IGFL2: variants seen among roughly 807,000 people sequenced by gnomAD.
IGFL2 encodes the protein insulin growth factor-like family member 2.
A neutral mutation model predicts 13.9 loss-of-function variants in IGFL2; 7 were observed. The observed-to-expected ratio is 0.51, with a 90% CI of 0.29 to 0.95. The LOEUF (loss-of-function observed/expected upper bound fraction) is 0.95. Among genes scored for constraint, IGFL2 ranks in the 40% least tolerant of loss-of-function variants. The pLI, the probability that IGFL2 is intolerant of heterozygous loss-of-function variation, is 0.08. For synonymous variants in IGFL2, 55 were observed against 55.8 expected (o/e 0.99, Z 0.07); for missense variants, 138 against 147.8 (o/e 0.93, Z 0.34).
upstream of IGFL2, among the ~76,000 whole-genome samples, chr19:46,144,754 A>G (rs1973029749): frequency 6.6e-6 from 1 of 152,170 alleles, no homozygotes; most frequent in Non-Finnish European, 1.5e-5. Context: ...TCATGTAGTC[A>G]CGATCAAAAT....
At chr19:46,185,261 C>T in the IGFL2 span, among the ~76,000 whole-genome samples, 3 of 152,192 alleles carry the variant, frequency 2.0e-5, no homozygotes, top group Non-Finnish European at 2.9e-5. Context: ...CAGTTCCTCT[C>T]TTCTTCTCTG....
At chr19:46,123,964 T>C in the IGFL2 span, 1 of 1,611,542 alleles carries the variant, frequency 6.2e-7, no homozygotes, top group Non-Finnish European at 8.5e-7. Flanking sequence ...AAGAAACTTC[T>C]GCTGGGGGCC....
At chr19:46,125,124 A>G in the IGFL2 span, among the ~76,000 whole-genome samples, 1 of 152,176 alleles carries the variant, frequency 6.6e-6, no homozygotes, top group Non-Finnish European at 1.5e-5. Flanking sequence ...GTCTCTGGAA[A>G]TGTCAAGGGG....
At chr19:46,168,746 C>T in the IGFL2 span, among the ~76,000 whole-genome samples, 8 of 152,138 alleles carry the variant, frequency 5.3e-5, no homozygotes, top group Non-Finnish European at 1.2e-4. Flanking sequence ...ATCCATGATC[C>T]CAGGTTGCAG....
the IGFL2 span, among the ~76,000 whole-genome samples, chr19:46,087,704 G>A: frequency 1.3e-5 from 2 of 152,280 alleles, no homozygotes; most frequent in Admixed American, 1.3e-4. Flanking sequence ...GCAGCAGGCA[G>A]TGGAATTTGT....
chr19:46,183,248 AC>A, the IGFL2 span, among the ~76,000 whole-genome samples: 3 of 152,204 alleles, frequency 2.0e-5, no homozygotes, highest in African/African-American at 7.2e-5. Context: ...GCATGAAGGA[AC>A]CACCCCCATC....
At chr19:46,161,754 C>T (rs1974182278), downstream of IGFL2, among the ~76,000 whole-genome samples, 1 of 152,146 alleles carries the variant, frequency 6.6e-6, no homozygotes, top group South Asian at 2.1e-4. Flanking sequence ...ACCATTGGGT[C>T]TTGCTTTTTT....
At chr19:46,168,914 GTA>G in the IGFL2 span, among the ~76,000 whole-genome samples, 2,350 of 120,290 alleles carry the variant, frequency 0.02, 22 homozygotes, top group Non-Finnish European at 0.031. Context: ...GTGTGTGTGT[GTA>G]TGTGTGTGTG....
the IGFL2 span, among the ~76,000 whole-genome samples, chr19:46,168,843 AT>A: frequency 7.8e-6 from 1 of 127,698 alleles, no homozygotes; most frequent in Admixed American, 8.0e-5. Context: ...ACATGCTGTA[AT>A]TTTTTTCCCT....
chr19:46,188,397 C>CGG, the IGFL2 span, among the ~76,000 whole-genome samples: 4 of 152,204 alleles, frequency 2.6e-5, no homozygotes, highest in Non-Finnish European at 5.9e-5. Flanking sequence ...GCCACCGTGA[C>CGG]GCTCATTCCT....
At chr19:46,125,928 A>G in the IGFL2 span, among the ~76,000 whole-genome samples, 2 of 152,210 alleles carry the variant, frequency 1.3e-5, no homozygotes, top group African/African-American at 4.8e-5. Context: ...CAGCTTTACT[A>G]TTGGGCATTG....
the IGFL2 span, among the ~76,000 whole-genome samples, chr19:46,083,065 C>T: frequency 9.9e-5 from 15 of 152,260 alleles, no homozygotes; most frequent in East Asian, 3.9e-4. Context: ...CCTGGACGCA[C>T]GGTAGCTCAT....
At chr19:46,198,773 C>T in the IGFL2 span, among the ~76,000 whole-genome samples, 2 of 152,178 alleles carry the variant, frequency 1.3e-5, no homozygotes, top group African/African-American at 4.8e-5. Context: ...CCTCATCAGC[C>T]AGCAAAGAGA....
At chr19:46,080,291 T>C in the IGFL2 span, among the ~76,000 whole-genome samples, 1 of 152,128 alleles carries the variant, frequency 6.6e-6, no homozygotes, top group African/African-American at 2.4e-5. Flanking sequence ...TCCAGCACTT[T>C]GGGAGGCCAA....
chr19:46,107,846 T>C, the IGFL2 span, among the ~76,000 whole-genome samples: 1 of 152,150 alleles, frequency 6.6e-6, no homozygotes, highest in Non-Finnish European at 1.5e-5. Context: ...ATCCAAGGGT[T>C]GTTGCCAAAT....
At chr19:46,145,087 G>A (rs927269212), upstream of IGFL2, among the ~76,000 whole-genome samples, 1 of 152,074 alleles carries the variant, frequency 6.6e-6, no homozygotes, top group Non-Finnish European at 1.5e-5. Flanking sequence ...TACTATGAAC[G>A]ATTGTGCTTT....
chr19:46,134,374 C>T, the IGFL2 span, among the ~76,000 whole-genome samples: 1 of 152,062 alleles, frequency 6.6e-6, no homozygotes, highest in East Asian at 1.9e-4. Context: ...GGGATAGTTT[C>T]AGGATGATTC....
At chr19:46,079,576 C>G in the IGFL2 span, among the ~76,000 whole-genome samples, 1 of 152,142 alleles carries the variant, frequency 6.6e-6, no homozygotes, top group African/African-American at 2.4e-5. Context: ...CCCGAGTTTC[C>G]AGGCCTCAGG....
chr19:46,114,687 T>C, the IGFL2 span, among the ~76,000 whole-genome samples: 3 of 152,192 alleles, frequency 2.0e-5, no homozygotes, highest in East Asian at 5.8e-4. Context: ...CTCTCTCTCC[T>C]GCCACCATGT....
Sources: gnomAD v4.1 joint callset for allele counts (sites outside exome capture counted in the v4.1 genomes callset) on GRCh38, gnomAD v4.1.1 for gene constraint, MANE v1.5 for transcripts, NCBI Gene and HGNC (gene_info 2026-07-23, HGNC 2026-07-21) for gene names.